ALPK2: variants seen among roughly 807,000 people sequenced by gnomAD.
ALPK2 encodes the protein alpha-protein kinase 2.
ALPK2 carries 127 observed loss-of-function variants against 163.1 expected under a neutral mutation model. The ratio of observed to expected loss-of-function variants is 0.78; its 90% confidence interval spans 0.67 to 0.90. The LOEUF is 0.90. ALPK2 is among the 40% of genes least tolerant of loss of function. ALPK2 has a pLI of 0.00. For missense variants in ALPK2, 2,360 were observed against 2,589.6 expected, an observed-to-expected ratio of 0.91 and a Z score of 1.92; for synonymous variants, 953 against 959.1, an observed-to-expected ratio of 0.99 and a Z score of 0.12.
chr18:58,550,375 AC>A (rs1386005850), intron 4 of ALPK2, among the ~76,000 whole-genome samples: 1 of 151,354 alleles, frequency 6.6e-6, no homozygotes, highest in Non-Finnish European at 1.5e-5. Flanking sequence ...ATCACATACA[AC>A]CCCATCCCCA....
chr18:58,512,954 T>TGGTGTG (rs2051500622), intron 10 of ALPK2, among the ~76,000 whole-genome samples: 1 of 124,316 alleles, frequency 8.0e-6, no homozygotes, highest in East Asian at 2.4e-4. Flanking sequence ...GGTGTGTGTG[T>TGGTGTG]TGTATGTGTG....
chr18:58,534,140 A>G (rs2051630486), intron 5 of ALPK2, among the ~76,000 whole-genome samples: 1 of 138,892 alleles, frequency 7.2e-6, no homozygotes, highest in South Asian at 2.5e-4. Flanking sequence ...AATTAACTGC[A>G]ATTTCAGGAC....
In ALPK2 at chr18:58,524,022, C is replaced by T; in HGVS notation, c.5542G>A (p.Ala1848Thr). The T allele has an allele frequency of 6.2e-7, 1 of 1,614,082 alleles. No homozygotes were observed. The highest frequency in any genetic ancestry group is 8.5e-7 in the Non-Finnish European group (1 of 1,179,960). Residue 1848 changes from alanine to threonine, a missense_variant, in exon 7 of 13, where the codon GCC becomes ACC. Physicochemically the swap from Ala to Thr is moderately conservative, Grantham distance 58. Transcript: ENST00000361673. ...NSTVSFAIVQ[A>T]SPKDQGLYYC... ...TAGAGTCCCTGGTCCTTCGGACTGG[C>T]TTGCACGATGGCAAAGGAAACAGTG...
chr18:58,517,455 G>T (rs571354665), intron 8 of ALPK2, among the ~76,000 whole-genome samples: 4 of 152,320 alleles, frequency 2.6e-5, no homozygotes, highest in African/African-American at 9.6e-5. Flanking sequence ...ATTCTAGACA[G>T]ATCTGGAAAA....
chr18:58,593,547 G>C (rs1195865671), intron 3 of ALPK2, among the ~76,000 whole-genome samples: 2 of 131,152 alleles, frequency 1.5e-5, no homozygotes, highest in African/African-American at 6.1e-5. Flanking sequence ...CTGGGTGACA[G>C]GAAGGGACTC....
chr18:58,622,610 C>T (rs896379396), intron 1 of ALPK2, among the ~76,000 whole-genome samples: 2 of 152,198 alleles, frequency 1.3e-5, no homozygotes, highest in African/African-American at 2.4e-5. Flanking sequence ...CAAAGTGTGA[C>T]AGTGCTGTAA....
intron 4 of ALPK2, among the ~76,000 whole-genome samples, chr18:58,552,289 A>T (rs2051764070): frequency 6.6e-6 from 1 of 152,210 alleles, no homozygotes; most frequent in Admixed American, 6.5e-5. Context: ...ATAATTTTTC[A>T]CGTTTCTGTC....
rs1263754131 is a variant in ALPK2, at chr18:58,607,362, A to G, written c.187T>C (p.Phe63Leu). The G allele has an allele frequency of 6.2e-7, 1 of 1,613,858 alleles. No homozygotes were observed. Among genetic ancestry groups the G allele is most frequent in the East Asian group, 2.2e-5 (1 of 44,880 alleles). The change falls in exon 3 of 13, where the codon TTC (phenylalanine) becomes CTC (leucine). Residue 63 changes from phenylalanine to leucine, a missense_variant. Coordinates refer to ENST00000361673, the MANE Select transcript of ALPK2 (RefSeq NM_052947.4). ...ACATGAATATACTGATTCTCAAAGA[A>G]TTCATAGTTGGAAATAATGCCACTC... ...DGSGIISNYE[F>L]FENQYIHVLH...
At chr18:58,617,087 A>G (rs1302914888) in intron 1 of ALPK2, among the ~76,000 whole-genome samples, 1 of 152,152 alleles carries the variant, frequency 6.6e-6, no homozygotes, top group Admixed American at 6.5e-5. Context: ...TTCCGTGTTG[A>G]TGATTGTTGT....
intron 4 of ALPK2, among the ~76,000 whole-genome samples, chr18:58,552,113 C>CA (rs1424768967): frequency 3.3e-5 from 5 of 152,106 alleles, no homozygotes; most frequent in Admixed American, 6.5e-5. Flanking sequence ...CCCCAAATCG[C>CA]AAGGCAGTAT....
intron 4 of ALPK2, among the ~76,000 whole-genome samples, chr18:58,552,175 G>A (rs191475432): frequency 9.9e-5 from 15 of 152,280 alleles, no homozygotes; most frequent in African/African-American, 3.4e-4. Context: ...TCAGCAGAAA[G>A]GGGAACTTAC....
At chr18:58,590,871 C>T (rs921378752) in intron 3 of ALPK2, among the ~76,000 whole-genome samples, 1 of 152,208 alleles carries the variant, frequency 6.6e-6, no homozygotes, top group Non-Finnish European at 1.5e-5. Context: ...GGCCGGTTCT[C>T]ACCCACCTGC....
chr18:58,568,065 A>T (rs2051865738), intron 4 of ALPK2, among the ~76,000 whole-genome samples: 2 of 152,152 alleles, frequency 1.3e-5, no homozygotes, highest in Non-Finnish European at 2.9e-5. Flanking sequence ...GGGCAGTCCA[A>T]GTGAGTTTCC....
intron 4 of ALPK2, among the ~76,000 whole-genome samples, chr18:58,542,469 T>G (rs190332769): frequency 6.6e-6 from 1 of 152,378 alleles, no homozygotes; most frequent in African/African-American, 2.4e-5. Flanking sequence ...AAAGATGTTA[T>G]CATCTCTTCT....
intron 11 of ALPK2, among the ~76,000 whole-genome samples, chr18:58,503,704 A>G (rs1442781101): frequency 1.3e-5 from 2 of 152,154 alleles, no homozygotes; most frequent in African/African-American, 4.8e-5. Context: ...GTCCCCCCCT[A>G]GAATTTTTTT....
chr18:58,581,185 T>A (rs1015271959), intron 3 of ALPK2, among the ~76,000 whole-genome samples: 1 of 152,246 alleles, frequency 6.6e-6, no homozygotes, highest in Non-Finnish European at 1.5e-5. Context: ...AAAAAGCATT[T>A]TTCTAGAGTG....
chr18:58,574,997 T>C (rs2051911785), intron 4 of ALPK2, among the ~76,000 whole-genome samples: 1 of 152,070 alleles, frequency 6.6e-6, no homozygotes. Flanking sequence ...GTGGATCACC[T>C]GAGGTCGGGA....
chr18:58,585,531 A>G (rs2051981170), intron 3 of ALPK2, among the ~76,000 whole-genome samples: 1 of 152,184 alleles, frequency 6.6e-6, no homozygotes, highest in Non-Finnish European at 1.5e-5. Context: ...ACATCAATGT[A>G]TTGGGAAAGA....
intron 4 of ALPK2, among the ~76,000 whole-genome samples, chr18:58,540,764 G>C (rs866403557): frequency 2.6e-5 from 4 of 152,204 alleles, no homozygotes; most frequent in Admixed American, 6.5e-5. Flanking sequence ...AGTATCATCA[G>C]TGTCAACAGA....
Sources: allele counts gnomAD v4.1 joint callset (sites outside exome capture counted in the v4.1 genomes callset), GRCh38; gene constraint gnomAD v4.1.1; transcripts MANE v1.5; gene names NCBI Gene and HGNC (gene_info 2026-07-23, HGNC 2026-07-21).